The following DOK7 variants were observed in gnomAD, a reference collection of about 807,000 sequenced individuals.
DOK7 encodes docking protein 7, also known as protein Dok-7.
In DOK7, 32 loss-of-function variants were observed where a neutral mutation model predicts 30.7. The ratio of observed to expected loss-of-function variants is 1.04; its 90% CI spans 0.79 to 1.40. The LOEUF is 1.40. Ranked by LOEUF, DOK7 falls within the 40% of genes most tolerant of loss-of-function variation. DOK7 has a pLI of 0.00. For missense variants in DOK7, 1,007 were observed against 699.2 expected (o/e 1.44, Z -4.97); for synonymous variants, 447 against 324.1 (o/e 1.38, Z -4.07).
downstream of DOK7, among the ~76,000 whole-genome samples, chr4:3,499,348 G>C (rs1017114267): frequency 1.3e-5 from 2 of 152,176 alleles, no homozygotes; most frequent in Non-Finnish European, 2.9e-5. Context: ...GAATGGGGGG[G>C]GACTTGCTGT....
intron 6 of DOK7, among the ~76,000 whole-genome samples, chr4:3,490,108 C>CCCCATTCATTCCTTTCTTCA (rs1171018207): frequency 5.4e-5 from 3 of 55,500 alleles, no homozygotes; most frequent in Non-Finnish European, 1.0e-4. Flanking sequence ...CTTTCTTCAC[C>CCCCATTCATTCCTTTCTTCA]CCCATTCATT....
chr4:3,493,212 G>A lies in DOK7; in HGVS notation c.1226G>A (p.Arg409His), dbSNP rs377528603. The change falls in exon 7 of 7, where the codon CGC becomes CAC. Residue 409 changes from arginine (R) to histidine (H), a missense_variant. Transcript: ENST00000340083. ...CTGCGGGCCCACTATGACACACCAC[G>A]CAGCCTTTGCCTGGCTCCTAGAGAC... Reference protein sequence around the residue: ...TSLRAHYDTPRSLCLAPRDHS... With the variant: ...TSLRAHYDTPHSLCLAPRDHS... 5.2e-5 allele frequency: 84 copies of A among 1,611,664 alleles called. 1 individual carries two copies. Among genetic ancestry groups the A allele is most frequent in the South Asian group, 4.4e-4 (40 of 90,940 alleles).
At chr4:3,489,996 CTCATTCCTTCCTTCTCCTCCT>C (rs1728101390) in intron 6 of DOK7, among the ~76,000 whole-genome samples, 200 bp downstream of exon 6, 1 of 142,420 alleles carries the variant, frequency 7.0e-6, no homozygotes, top group African/African-American at 2.5e-5. Flanking sequence ...CACCACCCTG[CTCATTCCTTCCTTCTCCTCCT>C]GCTCATTCAT....
intron 2 of DOK7, among the ~76,000 whole-genome samples, chr4:3,468,808 CTG>C (rs1372890898): frequency 1.7e-4 from 23 of 136,942 alleles, no homozygotes; most frequent in Admixed American, 3.7e-4. Context: ...CTGTGTGTGC[CTG>C]TGTGTGTATG....
At position 3,476,221 on chromosome 4, in the gene DOK7, GCCCCGCCTGCCCGTGATGCCCTCTCA is replaced by G. The variant is rs1560212232; in HGVS notation, c.332-116_332-91del. 6.3e-5 allele frequency: 21 copies of G among 333,818 alleles called. 3 individuals carry two copies. Among genetic ancestry groups the G allele is most frequent in the East Asian group, 3.5e-4 (5 of 14,272 alleles). 20.7% of individuals were successfully genotyped at this position (333,818 alleles called of 1,614,324 possible). On this transcript the variant is annotated intron_variant, in intron 3 of 6. Transcript: ENST00000340083. Reference sequence around the variant, plus strand: ...CCTCACCCGCCCATGATGCCCTCTCGCCCCGCCTGCCCGTGATGCCCTCTCACCCCACCCGCCCGTGATGCCCTCTC... The same window carrying G: ...CCTCACCCGCCCATGATGCCCTCTCGCCCCACCCGCCCGTGATGCCCTCTC...
At chr4:3,497,981 T>G (rs1338693385), downstream of DOK7, among the ~76,000 whole-genome samples, 1 of 152,122 alleles carries the variant, frequency 6.6e-6, no homozygotes, top group African/African-American at 2.4e-5. Context: ...GACACAGGTG[T>G]GGGGATCAAG....
In DOK7 at chr4:3,493,157, G is replaced by A. The variant is rs144158112; in HGVS notation, c.1171G>A (p.Gly391Arg). The A allele has an allele frequency of 1.0e-3, 1,669 of 1,605,702 alleles. 2 individuals are homozygous for A. Among genetic ancestry groups the A allele is most frequent in the Admixed American group, 1.3e-3 (77 of 59,318 alleles). Residue 391 changes from glycine to arginine, a missense_variant, in exon 7 of 7, where the codon GGG (glycine) becomes AGG (arginine). Gly to Arg is a moderately radical substitution (Grantham distance 125, BLOSUM62 -2). Transcript: ENST00000340083. Reference sequence around the variant, plus strand: ...GCCCAGCCTGTGCACCTGCCTGCCCGGGACAGTCGAGTACCAGGTGCCCAC... The same window carrying A: ...GCCCAGCCTGTGCACCTGCCTGCCCAGGACAGTCGAGTACCAGGTGCCCAC... Reference protein sequence around the residue: ...PEPSLCTCLPGTVEYQVPTSL... With the variant: ...PEPSLCTCLPRTVEYQVPTSL...
At chr4:3,490,874 T>C (rs1227733171) in intron 6 of DOK7, among the ~76,000 whole-genome samples, 1 of 107,980 alleles carries the variant, frequency 9.3e-6, no homozygotes, top group Non-Finnish European at 1.8e-5. Flanking sequence ...CATTCCTTCA[T>C]TACCCTCCTG....
chr4:3,479,927 C>T (rs1228634342), intron 4 of DOK7, among the ~76,000 whole-genome samples: 1 of 152,194 alleles, frequency 6.6e-6, no homozygotes, highest in African/African-American at 2.4e-5. Flanking sequence ...ACATGGCAGG[C>T]GACGGTCTGT....
At chr4:3,480,582 A>G (rs979963764) in intron 4 of DOK7, among the ~76,000 whole-genome samples, 7 of 152,214 alleles carry the variant, frequency 4.6e-5, no homozygotes, top group Non-Finnish European at 8.8e-5. Context: ...CAGTCCAGCC[A>G]AGGCAACAGA....
chr4:3,489,564 G>A, intron 5 of DOK7, 113 bp from the exon 6 acceptor site: 1 of 1,516,432 alleles, frequency 6.6e-7, no homozygotes, highest in Non-Finnish European at 8.9e-7. Context: ...GACTCCCAGG[G>A]GACTGCCACT....
At chr4:3,475,531 T>C (rs1298305186) in intron 3 of DOK7, among the ~76,000 whole-genome samples, 2 of 152,180 alleles carry the variant, frequency 1.3e-5, no homozygotes, top group African/African-American at 4.8e-5. Context: ...ACCACTGTCC[T>C]CTCTGAGGCT....
At position 3,494,319 on chromosome 4, in the gene DOK7, C is replaced by T; in HGVS notation, c.*818C>T. The stretch of plus-strand genomic sequence containing the variant: ...GCGTCGGAGGTGGGGCTGTGTTGGG[C>T]CCATTGTCCCCCGCCCTGGGTGGCT... On this transcript the variant is annotated 3_prime_UTR_variant, in exon 7 of 7. Transcript: ENST00000340083. 1 of 985,770 alleles carries T rather than the reference C, an allele frequency of 1.0e-6. No homozygotes were observed. Among genetic ancestry groups the T allele is most frequent in the South Asian group, 4.7e-5 (1 of 21,294 alleles). 61.1% of individuals were successfully genotyped at this position (985,770 alleles called of 1,614,324 possible). A position where few individuals can be genotyped will look rare whatever the true frequency, so the allele number is the denominator to read the frequency against.
chr4:3,467,731 C>T (rs10937928), intron 2 of DOK7, among the ~76,000 whole-genome samples: 24,519 of 151,998 alleles, frequency 0.16, 2,468 homozygotes, highest in African/African-American at 0.29. Flanking sequence ...ACAGCCTGGG[C>T]GGCTCAGACG....
chr4:3,482,618 G>T (rs1267409659), intron 4 of DOK7, among the ~76,000 whole-genome samples: 3 of 152,274 alleles, frequency 2.0e-5, no homozygotes. Flanking sequence ...AGGGATAGGG[G>T]AAACAGAGTG....
At chr4:3,500,693 G>C in exon 8 of DOK7, 1 of 1,535,838 alleles carries the variant, frequency 6.5e-7, no homozygotes, top group Non-Finnish European at 8.7e-7. Context: ...TTCTTTCAGG[G>C]GCTGGCGCCT....
intron 4 of DOK7, chr4:3,484,408 A>G (rs1881804): frequency 0.56 from 445,877 of 796,026 alleles, 126,548 homozygotes; most frequent in East Asian, 0.93. Flanking sequence ...CCTTCCCCCC[A>G]ACTCCTGCCC....
At chr4:3,484,556 G>A (rs1352837478) in intron 4 of DOK7, 1 of 985,486 alleles carries the variant, frequency 1.0e-6, no homozygotes, top group Non-Finnish European at 1.2e-6. Flanking sequence ...TCACGCGGCC[G>A]CCAGGGCTTC....
chr4:3,463,578 G>T, intron 2 of DOK7, 27 bp downstream of exon 2: 2 of 1,521,474 alleles, frequency 1.3e-6, no homozygotes, highest in South Asian at 1.2e-5. Flanking sequence ...GGGGACGGGG[G>T]GCGCGGGGGT....
Sources: allele counts gnomAD v4.1 joint callset (sites outside exome capture counted in the v4.1 genomes callset), GRCh38; gene constraint gnomAD v4.1.1; transcripts MANE v1.5; gene names NCBI Gene and HGNC (gene_info 2026-07-23, HGNC 2026-07-21).